UBL3: variants seen among roughly 807,000 people sequenced by gnomAD.
The protein encoded by UBL3 is ubiquitin like 3, also known as ubiquitin-like protein 3.
In UBL3, 6 loss-of-function variants were observed where a neutral mutation model predicts 18.4. The observed-to-expected ratio is 0.33, with a 90% confidence interval of 0.18 to 0.64. The LOEUF (loss-of-function observed/expected upper bound fraction) is 0.64. UBL3 is among the 30% of genes least tolerant of loss of function. UBL3 has a pLI of 0.76. For synonymous variants in UBL3, 49 were observed against 46.6 expected (o/e 1.05, Z -0.21); for missense variants, 109 against 142.9 (o/e 0.76, Z 1.21).
intron 1 of UBL3, among the ~76,000 whole-genome samples, chr13:29,835,270 T>C (rs1203738151): frequency 6.9e-6 from 1 of 144,992 alleles, no homozygotes; most frequent in Non-Finnish European, 1.5e-5. Context: ...AAGAAATCAA[T>C]ATGGTCTTGC....
In UBL3 at chr13:29,839,946, A is replaced by G. The variant is rs532766462; in HGVS notation, c.27+9566T>C. Among the ~76,000 whole-genome samples, 5 of 144,498 alleles carry G rather than the reference A, an allele frequency of 3.5e-5. No homozygotes were observed. In the East Asian group the frequency reaches 8.3e-4, roughly 24 times the overall value. 94.8% of individuals were successfully genotyped at this position (144,498 alleles called of 152,430 possible). A position where few individuals can be genotyped will look rare whatever the true frequency, so the allele number is the denominator to read the frequency against. On this transcript the variant is annotated intron_variant, in intron 1 of 4. Transcript: ENST00000380680. The stretch of plus-strand genomic sequence containing the variant: ...CGTCTCGGGGGAAAAAAAAAAAAAA[A>G]GAAGATTTTAAAAAATAAATAAGCT...
chr13:29,802,664 G>A (rs1054462365), intron 1 of UBL3, among the ~76,000 whole-genome samples: 2 of 152,186 alleles, frequency 1.3e-5, no homozygotes, highest in African/African-American at 4.8e-5. Flanking sequence ...TAATGCAATT[G>A]CAAGTATTAA....
At chr13:29,777,401 A>G in intron 1 of UBL3, 138 bp from the exon 2 acceptor site, 1 of 739,994 alleles carries the variant, frequency 1.4e-6, no homozygotes. Context: ...AATTCTATAA[A>G]ACTTTTTTAA....
intron 1 of UBL3, among the ~76,000 whole-genome samples, chr13:29,840,493 A>C (rs1345152617): frequency 6.6e-6 from 1 of 152,178 alleles, no homozygotes; most frequent in Non-Finnish European, 1.5e-5. Flanking sequence ...CATAACCTTG[A>C]TACCTAAATC....
chr13:29,810,246 G>A (rs1878016582), intron 1 of UBL3, among the ~76,000 whole-genome samples: 1 of 152,104 alleles, frequency 6.6e-6, no homozygotes, highest in Non-Finnish European at 1.5e-5. Flanking sequence ...CTGGCCACGT[G>A]ATTAAGGAAT....
In UBL3 at chr13:29,850,343, T is replaced by C. The variant is rs971675247; in HGVS notation, c.-805A>G. 6.5e-6 allele frequency: 1 copy of C among 153,424 alleles called. No homozygotes were observed. The highest frequency in any genetic ancestry group is 2.4e-5 in the African/African-American group (1 of 41,380). The allele number at this position is 153,424 out of a possible 1,614,324, so 9.5% of individuals were successfully genotyped here. On this transcript the variant is annotated 5_prime_UTR_variant, in exon 1 of 5. Transcript: ENST00000380680. The stretch of plus-strand genomic sequence containing the variant: ...CTCCGGCTCCTCGCCACTCCTCTTC[T>C]GCCTCCGCCTTCCCCGCCGCCGCCT...
intron 1 of UBL3, among the ~76,000 whole-genome samples, chr13:29,778,296 C>A (rs1028049036): frequency 6.6e-6 from 1 of 152,104 alleles, no homozygotes; most frequent in Non-Finnish European, 1.5e-5. Flanking sequence ...TTTGCTTATA[C>A]CATTGTTAAT....
intron 1 of UBL3, among the ~76,000 whole-genome samples, chr13:29,829,024 G>A (rs1284500004): frequency 6.6e-6 from 1 of 152,182 alleles, no homozygotes; most frequent in Non-Finnish European, 1.5e-5. Flanking sequence ...CTGCCTGATC[G>A]TTCCTCTGGA....
intron 1 of UBL3, among the ~76,000 whole-genome samples, chr13:29,792,987 ATGTT>A (rs148646272): frequency 7.6e-4 from 116 of 152,332 alleles, no homozygotes; most frequent in South Asian, 1.9e-3. Context: ...GCATCACACT[ATGTT>A]TGTTTTAAAA....
At chr13:29,842,049 C>T (rs1200531466) in intron 1 of UBL3, among the ~76,000 whole-genome samples, 2 of 151,850 alleles carry the variant, frequency 1.3e-5, no homozygotes, top group Non-Finnish European at 2.9e-5. Context: ...AACCCACCTC[C>T]AGTTGATGTA....
rs190912094 is a variant in UBL3 at position 29,826,899 on chromosome 13, G to C, written c.27+22613C>G. On this transcript the variant is annotated intron_variant, in intron 1 of 4. Coordinates refer to ENST00000380680, the MANE Select transcript of UBL3 (RefSeq NM_007106.4). The stretch of plus-strand genomic sequence containing the variant: ...GGTATGTTGTGTCTTTGTTCTCATG[G>C]GTTTCAAAGAACATCTTTATTTCTG... 7.9e-5 allele frequency among the ~76,000 whole-genome samples: 12 copies of C among 152,174 alleles called. No homozygotes were observed. The East Asian group carries it at 2.1e-3, about 27-fold the overall frequency.
At chr13:29,771,601 T>C (rs1437029641) in intron 3 of UBL3, among the ~76,000 whole-genome samples, 2 of 152,076 alleles carry the variant, frequency 1.3e-5, no homozygotes, top group Non-Finnish European at 2.9e-5. Flanking sequence ...CAGTAAGTAG[T>C]GCAGCTAACA....
chr13:29,800,619 A>C (rs1877735540), intron 1 of UBL3, among the ~76,000 whole-genome samples: 1 of 152,250 alleles, frequency 6.6e-6, no homozygotes, highest in African/African-American at 2.4e-5. Flanking sequence ...AGAAGATAAA[A>C]GAAAAAATAT....
intron 1 of UBL3, among the ~76,000 whole-genome samples, chr13:29,829,068 G>C (rs1878700771): frequency 6.6e-6 from 1 of 152,172 alleles, no homozygotes; most frequent in African/African-American, 2.4e-5. Context: ...GGCCCTGTGA[G>C]GTGTCAGTCT....
intron 1 of UBL3, among the ~76,000 whole-genome samples, chr13:29,787,370 T>C (rs1054335622): frequency 1.4e-4 from 21 of 152,208 alleles, no homozygotes; most frequent in Admixed American, 7.2e-4. Context: ...AACTATATAA[T>C]GCTCTTTCCT....
At chr13:29,775,275 A>G (rs1256417862) in intron 2 of UBL3, among the ~76,000 whole-genome samples, 1 of 152,234 alleles carries the variant, frequency 6.6e-6, no homozygotes, top group Non-Finnish European at 1.5e-5. Flanking sequence ...GTTAAGAAGA[A>G]TAAAGAGTTT....
At chr13:29,774,334 T>C (rs1187009848) in intron 2 of UBL3, among the ~76,000 whole-genome samples, 2 of 152,222 alleles carry the variant, frequency 1.3e-5, no homozygotes, top group African/African-American at 4.8e-5. Flanking sequence ...TGATTACCCT[T>C]TTTCTGCCTT....
chr13:29,801,621 C>T (rs1877768296), intron 1 of UBL3, among the ~76,000 whole-genome samples: 1 of 152,124 alleles, frequency 6.6e-6, no homozygotes, highest in African/African-American at 2.4e-5. Context: ...ACTGAAAGCC[C>T]CTCTACCACT....
In UBL3 at chr13:29,766,158, T is replaced by A. The variant is rs1876674227; in HGVS notation, c.*1097A>T. 1 of 152,598 alleles carries A rather than the reference T, an allele frequency of 6.6e-6. No homozygotes were observed. The highest frequency in any genetic ancestry group is 6.6e-5 in the Admixed American group (1 of 15,266). The allele number at this position is 152,598 out of a possible 1,614,324, so 9.5% of individuals were successfully genotyped here. The stretch of plus-strand genomic sequence containing the variant: ...TGCTGTGCAAATTGTTTTTAGCATA[T>A]CAATCTTTAAATTATTGGTATGAAA... On this transcript the variant is annotated 3_prime_UTR_variant, in exon 5 of 5. Transcript: ENST00000380680.
Sources: gnomAD v4.1 joint callset for allele counts (sites outside exome capture counted in the v4.1 genomes callset) on GRCh38, gnomAD v4.1.1 for gene constraint, MANE v1.5 for transcripts, NCBI Gene and HGNC (gene_info 2026-07-23, HGNC 2026-07-21) for gene names.